Variants in SNX29 observed in about 807,000 individuals in gnomAD.
SNX29 encodes sorting nexin-29.
Under a neutral mutation model 102.1 loss-of-function variants are expected in SNX29, and 78 were observed. That is an observed-to-expected ratio of 0.76 (90% CI 0.64 to 0.92). The LOEUF is 0.92. Among genes scored for constraint, SNX29 ranks in the 40% least tolerant of loss-of-function variants. SNX29 has a pLI of 0.00. For synonymous variants in SNX29, 580 were observed against 414.5 expected (o/e 1.40, Z -4.85); for missense variants, 1,280 against 1,061.7 (o/e 1.21, Z -2.86).
chr16:12,125,567 T>C (rs902587146), intron 11 of SNX29, among the ~76,000 whole-genome samples: 10 of 150,316 alleles, frequency 6.7e-5, no homozygotes, highest in African/African-American at 2.2e-4. Context: ...ATGCAGTGAT[T>C]TGGGCTCCTG....
intron 15 of SNX29, among the ~76,000 whole-genome samples, chr16:12,281,036 T>G (rs570733069): frequency 2.0e-5 from 3 of 152,338 alleles, no homozygotes; most frequent in African/African-American, 7.2e-5. Context: ...GCCTCCCAAG[T>G]AGCTGAGACT....
At chr16:12,409,625 T>C (rs1252891016) in intron 18 of SNX29, among the ~76,000 whole-genome samples, 2 of 152,014 alleles carry the variant, frequency 1.3e-5, no homozygotes, top group African/African-American at 4.8e-5. Flanking sequence ...GAGACGGTGT[T>C]TCACCGTGTT....
intron 14 of SNX29, among the ~76,000 whole-genome samples, chr16:12,205,551 C>T (rs1474262869): frequency 1.3e-5 from 2 of 152,058 alleles, no homozygotes; most frequent in Non-Finnish European, 2.9e-5. Context: ...ACATGCCAGG[C>T]TGGCTCCTGC....
chr16:12,003,363 A>G (rs1252987755), intron 3 of SNX29, among the ~76,000 whole-genome samples: 3 of 152,242 alleles, frequency 2.0e-5, no homozygotes, highest in Non-Finnish European at 4.4e-5. Context: ...TTGGATGCCT[A>G]AATACCCAAG....
At chr16:12,368,579 G>A (rs2082570533) in intron 16 of SNX29, among the ~76,000 whole-genome samples, 1 of 152,182 alleles carries the variant, frequency 6.6e-6, no homozygotes, top group South Asian at 2.1e-4. Context: ...TGTGTGACTT[G>A]TGTCTCTCTG....
Position 12,048,490 on chromosome 16 carries a change from G to A in SNX29, c.618G>A (p.Leu206=). 6.2e-7 allele frequency: 1 copy of A among 1,613,906 alleles called. No homozygotes were observed. Among genetic ancestry groups the A allele is most frequent in the South Asian group, 1.1e-5 (1 of 91,062 alleles). Residue 206 remains leucine, a synonymous_variant, in exon 7 of 21, where the codon TTG becomes TTA. Coordinates refer to ENST00000566228, the MANE Select transcript of SNX29 (RefSeq NM_032167.5). ...AGTCAACGCAGAACGTGACCTCCTT[G>A]CTGAAGGAGTCCACGCAAGGAGTGA... The part of the protein sequence containing the change: ...LKESTQNVTS[L]LKESTQGVSS...
chr16:12,447,622 C>T (rs561468533), intron 18 of SNX29, among the ~76,000 whole-genome samples: 39 of 152,314 alleles, frequency 2.6e-4, no homozygotes, highest in African/African-American at 8.7e-4. Flanking sequence ...CTGTGAGACC[C>T]GAATGGTGGA....
At chr16:12,161,609 C>T (rs830702) in intron 13 of SNX29, among the ~76,000 whole-genome samples, 65,986 of 152,044 alleles carry the variant, frequency 0.43, 18,889 homozygotes, top group African/African-American at 0.82. Flanking sequence ...TTCCTAATGT[C>T]AGAGGTGGTG....
Position 12,351,852 on chromosome 16 carries a change from T to C in SNX29, c.1783-4311T>C, listed in dbSNP as rs75895274. 2.3e-3 allele frequency among the ~76,000 whole-genome samples: 357 copies of C among 152,228 alleles called. 2 individuals carry two copies. The highest frequency in any genetic ancestry group is 3.2e-3 in the Non-Finnish European group (218 of 68,018). ...ATCATCTTGCTGGGCAACACACTGA[T>C]TGGTTATGACTGCCTAGGTATCTTC... On this transcript the variant is annotated intron_variant, in intron 15 of 20. Coordinates refer to ENST00000566228, the MANE Select transcript of SNX29 (RefSeq NM_032167.5).
chr16:12,517,070 C>T (rs971825095), intron 19 of SNX29, among the ~76,000 whole-genome samples: 7 of 152,144 alleles, frequency 4.6e-5, no homozygotes, highest in East Asian at 1.9e-4. Context: ...CTCCCAGTGC[C>T]GTCTATGAAT....
intron 18 of SNX29, among the ~76,000 whole-genome samples, chr16:12,411,780 C>T (rs1185279008): frequency 6.6e-6 from 1 of 152,188 alleles, no homozygotes; most frequent in African/African-American, 2.4e-5. Context: ...CGGGACACCA[C>T]TCACCTTGCA....
chr16:12,107,069 C>T (rs763852844), intron 11 of SNX29, among the ~76,000 whole-genome samples: 31 of 152,320 alleles, frequency 2.0e-4, no homozygotes, highest in Non-Finnish European at 3.5e-4. Context: ...CCTCCCTCCT[C>T]GGCGTCCCAG....
intron 15 of SNX29, among the ~76,000 whole-genome samples, chr16:12,331,908 C>G (rs1381608925): frequency 6.6e-6 from 1 of 151,996 alleles, no homozygotes; most frequent in East Asian, 1.9e-4. Context: ...GCCCCAGGAA[C>G]CTTAGCAGGC....
At chr16:12,545,962 A>G (rs912581984) in intron 20 of SNX29, among the ~76,000 whole-genome samples, 1 of 152,132 alleles carries the variant, frequency 6.6e-6, no homozygotes, top group Admixed American at 6.5e-5. Flanking sequence ...TAAGGGCAGG[A>G]TGTGTGCTTC....
Position 12,538,314 on chromosome 16 carries a change from G to T in SNX29, c.2318+13473G>T, listed in dbSNP as rs908388432. 2.6e-5 allele frequency among the ~76,000 whole-genome samples: 4 copies of T among 152,226 alleles called. No individual in the cohort carries two copies. In the East Asian group the frequency reaches 5.8e-4, roughly 22 times the overall value. On this transcript the variant is annotated intron_variant, in intron 20 of 20. Coordinates refer to ENST00000566228, the MANE Select transcript of SNX29 (RefSeq NM_032167.5). ...ATTTTTGTTTTTTAGTAGAGAGGGGGTTTCACCATGTTAGCCAGGATGGTC... is the reference window on the plus strand; with the variant it reads ...ATTTTTGTTTTTTAGTAGAGAGGGGTTTTCACCATGTTAGCCAGGATGGTC...
intron 19 of SNX29, among the ~76,000 whole-genome samples, chr16:12,493,934 A>G (rs1309593536): frequency 6.6e-6 from 1 of 151,990 alleles, no homozygotes; most frequent in Non-Finnish European, 1.5e-5. Flanking sequence ...TACCGATAAG[A>G]CTGATGATCT....
At chr16:12,163,645 A>G (rs2055889197) in intron 13 of SNX29, among the ~76,000 whole-genome samples, 3 of 152,302 alleles carry the variant, frequency 2.0e-5, no homozygotes, top group Non-Finnish European at 4.4e-5. Context: ...GCTTCCCTCT[A>G]TAGAAGCTTC....
chr16:12,135,952 G>T (rs918933817), intron 13 of SNX29, among the ~76,000 whole-genome samples: 2 of 152,062 alleles, frequency 1.3e-5, no homozygotes, highest in Non-Finnish European at 2.9e-5. Flanking sequence ...GAGCCCCTTG[G>T]ACTGCTTCTC....
chr16:12,160,622 G>C (rs1281375519), intron 13 of SNX29, among the ~76,000 whole-genome samples: 1 of 152,166 alleles, frequency 6.6e-6, no homozygotes, highest in Admixed American at 6.6e-5. Context: ...TGATGAAAAT[G>C]ATCTCTTCAT....
Sources: gnomAD v4.1 joint callset for allele counts (sites outside exome capture counted in the v4.1 genomes callset) on GRCh38, gnomAD v4.1.1 for gene constraint, MANE v1.5 for transcripts, NCBI Gene and HGNC (gene_info 2026-07-23, HGNC 2026-07-21) for gene names.